The following ADRA1A variants were observed in gnomAD, a reference collection of about 807,000 sequenced individuals.
ADRA1A encodes alpha-1A adrenergic receptor.
In ADRA1A, 31 loss-of-function variants were observed where a neutral mutation model predicts 29.6. That is an observed-to-expected ratio of 1.05 (90% confidence interval 0.79 to 1.41). The LOEUF (loss-of-function observed/expected upper bound fraction) is 1.41. Ranked by LOEUF, ADRA1A falls within the 40% of genes most tolerant of loss-of-function variation. The pLI is 0.00. For synonymous variants in ADRA1A, 311 were observed against 254.3 expected (o/e 1.22, Z -2.12); for missense variants, 619 against 601.1 (o/e 1.03, Z -0.31).
chr8:26,864,128 A>G lies in ADRA1A; in HGVS notation c.842T>C (p.Phe281Ser). The G allele has an allele frequency of 6.2e-7, 1 of 1,614,158 alleles. No homozygotes were observed. Among genetic ancestry groups the G allele is most frequent in the Non-Finnish European group, 8.5e-7 (1 of 1,180,044 alleles). The change falls in exon 2 of 3, where the codon TTC (phenylalanine) becomes TCC (serine). Residue 281 changes from phenylalanine to serine, a missense_variant. Physicochemically the swap from Phe to Ser is radical, Grantham distance 155. Transcript: ENST00000380573. This position sits in a 1 kb window ranked among gnomAD's most constrained non-coding sequence, Gnocchi z 8.1. ...GAAAAAAGGCAGCCAGCAGAGGACGAAGCAGCCGACCACGATGCCCAGCGT... is the reference window on the plus strand; with the variant it reads ...GAAAAAAGGCAGCCAGCAGAGGACGGAGCAGCCGACCACGATGCCCAGCGT... ...AKTLGIVVGC[F>S]VLCWLPFFLV... is the part of the protein sequence containing the mutation.
intron 2 of ADRA1A, chr8:26,854,681 GC>G (rs1310390026): frequency 1.3e-5 from 2 of 152,270 alleles, no homozygotes; most frequent in Non-Finnish European, 2.9e-5. Flanking sequence ...CAGCAACAGA[GC>G]CAGTGTCACT....
downstream of ADRA1A, among the ~76,000 whole-genome samples, chr8:26,767,318 C>A (rs539036681): frequency 2.6e-5 from 4 of 151,222 alleles, no homozygotes; most frequent in African/African-American, 4.9e-5. Flanking sequence ...ATATGACAAT[C>A]ATTTGCTAAA....
rs1811824609 is a variant in ADRA1A at position 26,841,627 on chromosome 8, C to G, written c.883+22460G>C. Among the ~76,000 whole-genome samples, 1 of 152,180 alleles carries G rather than the reference C, an allele frequency of 6.6e-6. No individual in the cohort carries two copies. Among genetic ancestry groups the G allele is most frequent in the Non-Finnish European group, 1.5e-5 (1 of 68,044 alleles). ...TTCCTCACCTCCACTTTTATTTCCA[C>G]ATCCTCCATGACAAGCCTCCTGTCC... On this transcript the variant is annotated intron_variant, in intron 2 of 2. Coordinates refer to ENST00000380573, the MANE Select transcript of ADRA1A (RefSeq NM_000680.4). The surrounding 1 kb of genome is among the most constrained non-coding windows in gnomAD (Gnocchi z 4.4).
chr8:26,836,168 G>T, intron 2 of ADRA1A: 1 of 242,684 alleles, frequency 4.1e-6, no homozygotes, highest in East Asian at 1.1e-4. Flanking sequence ...TAGTCTGGTT[G>T]GGGAAGCGTC....
chr8:26,865,423 C>T lies in ADRA1A; in HGVS notation c.-454G>A. On this transcript the variant is annotated 5_prime_UTR_variant, in exon 2 of 3. Coordinates refer to ENST00000380573, the MANE Select transcript of ADRA1A (RefSeq NM_000680.4). The surrounding 1 kb of genome is among the most constrained non-coding windows in gnomAD (Gnocchi z 7.6). ...CGGAATTCAAAACTCCAGCGCCAGT[C>T]TCTCCCTCAAACCAAAAGATCAGCC... 1 of 1,003,778 alleles carries T rather than the reference C, an allele frequency of 1.0e-6. No individual in the cohort carries two copies. The highest frequency in any genetic ancestry group is 1.2e-6 in the Non-Finnish European group (1 of 841,112). The allele number at this position is 1,003,778 out of a possible 1,614,324, so 62.2% of individuals were successfully genotyped here.
chr8:26,837,877 C>G (rs1175310561), intron 2 of ADRA1A, among the ~76,000 whole-genome samples: 1 of 152,234 alleles, frequency 6.6e-6, no homozygotes, highest in East Asian at 1.9e-4. Context: ...CCCACTTTTA[C>G]TGCCTTTGAT....
downstream of ADRA1A, among the ~76,000 whole-genome samples, chr8:26,764,963 G>C (rs1805696318): frequency 6.6e-6 from 1 of 152,150 alleles, no homozygotes; most frequent in Non-Finnish European, 1.5e-5. Context: ...CACTGAATAT[G>C]ATACAGAGAG....
downstream of ADRA1A, among the ~76,000 whole-genome samples, chr8:26,761,099 G>C (rs1228180912): frequency 6.6e-6 from 1 of 152,222 alleles, no homozygotes; most frequent in Non-Finnish European, 1.5e-5. Flanking sequence ...CTCTAGTTGA[G>C]AAGACAGAAC....
intron 2 of ADRA1A, among the ~76,000 whole-genome samples, chr8:26,773,962 G>A (rs1806360713): frequency 6.6e-6 from 1 of 152,190 alleles, no homozygotes; most frequent in Non-Finnish European, 1.5e-5. Context: ...TATAGGTATA[G>A]GGTGAGAAAG....
At chr8:26,772,667 A>C (rs1419385972) in intron 2 of ADRA1A, among the ~76,000 whole-genome samples, 1 of 151,982 alleles carries the variant, frequency 6.6e-6, no homozygotes, top group East Asian at 1.9e-4. Flanking sequence ...CAGAGCCGTG[A>C]CAAATTGCTG....
intron 2 of ADRA1A, among the ~76,000 whole-genome samples, chr8:26,830,951 G>C (rs1337329875): frequency 6.6e-6 from 1 of 152,132 alleles, no homozygotes; most frequent in African/African-American, 2.4e-5. Context: ...AAAGTTAAAT[G>C]ACTGGATGAA....
chr8:26,867,301 G>A, upstream of ADRA1A: 1 of 985,408 alleles, frequency 1.0e-6, no homozygotes, highest in Non-Finnish European at 1.2e-6. Context: ...AGCTAGTACC[G>A]TAATCTCCTG....
At chr8:26,765,108 T>G (rs1805704137), downstream of ADRA1A, among the ~76,000 whole-genome samples, 1 of 152,258 alleles carries the variant, frequency 6.6e-6, no homozygotes, top group South Asian at 2.1e-4. Context: ...TCAACCATCC[T>G]GCTTTAAGCG....
At chr8:26,788,382 T>C (rs1490668153) in intron 2 of ADRA1A, among the ~76,000 whole-genome samples, 4 of 152,188 alleles carry the variant, frequency 2.6e-5, no homozygotes, top group Admixed American at 2.6e-4. Flanking sequence ...TGTTTCTTCT[T>C]TTTGTCACTT....
At chr8:26,754,704 T>A (rs1204476540), downstream of ADRA1A, among the ~76,000 whole-genome samples, 2 of 152,182 alleles carry the variant, frequency 1.3e-5, no homozygotes, top group African/African-American at 4.8e-5. Context: ...AGTATAATTT[T>A]AATTTCACAG....
At chr8:26,756,844 C>A in intron 2 of ADRA1A, 1 of 1,579,834 alleles carries the variant, frequency 6.3e-7, no homozygotes, top group South Asian at 1.2e-5. Flanking sequence ...AGGCATCATG[C>A]ATCAATGTGA....
At chr8:26,776,306 A>G (rs1806543789) in intron 2 of ADRA1A, among the ~76,000 whole-genome samples, 1 of 152,200 alleles carries the variant, frequency 6.6e-6, no homozygotes, top group Admixed American at 6.5e-5. Flanking sequence ...GGAAGCTGAA[A>G]GCTGTGAGTC....
Position 26,794,083 on chromosome 8 carries a change from T to C in ADRA1A, c.884-23417A>G, listed in dbSNP as rs1220807483. On this transcript the variant is annotated intron_variant, in intron 2 of 2. Coordinates refer to ENST00000380573, the MANE Select transcript of ADRA1A (RefSeq NM_000680.4). ...TTGTCGATTATATCTACCAGTCTAT[T>C]AAGTAAAAACAAACCATGATCAAGT... Among the ~76,000 whole-genome samples the C allele has an allele frequency of 2.6e-5, 4 of 152,044 alleles. No homozygotes were observed. The East Asian group carries it at 7.7e-4, about 29-fold the overall frequency.
chr8:26,759,468 T>C (rs1585629500), intron 2 of ADRA1A, among the ~76,000 whole-genome samples: 1 of 152,228 alleles, frequency 6.6e-6, no homozygotes, highest in East Asian at 1.9e-4. Flanking sequence ...CAGAAGTACT[T>C]TTTAATAGCC....
Sources: allele counts gnomAD v4.1 joint callset (sites outside exome capture counted in the v4.1 genomes callset), GRCh38; gene constraint gnomAD v4.1.1; non-coding constraint Gnocchi (gnomAD v3.1); transcripts MANE v1.5; gene names NCBI Gene and HGNC (gene_info 2026-07-23, HGNC 2026-07-21).